The following ASZ1 variants were observed in gnomAD, a reference collection of about 807,000 sequenced individuals.
ASZ1 encodes ankyrin repeat, SAM and basic leucine zipper domain containing 1, also known as ankyrin repeat, SAM and basic leucine zipper domain-containing protein 1.
Under a neutral mutation model 61.8 loss-of-function variants are expected in ASZ1, and 67 were observed. That is an observed-to-expected ratio of 1.08 (90% CI 0.89 to 1.33). The LOEUF (loss-of-function observed/expected upper bound fraction) is 1.33. ASZ1 is among the 40% of genes most tolerant of loss of function. The pLI is 0.00. For missense variants in ASZ1, 577 were observed against 554.5 expected, an observed-to-expected ratio of 1.04 and a Z score of -0.41; for synonymous variants, 193 against 192.7, an observed-to-expected ratio of 1.00 and a Z score of -0.01.
intron 9 of ASZ1, 81 bp from the exon 10 acceptor site, chr7:117,380,128 T>C: frequency 1.1e-6 from 1 of 878,216 alleles, no homozygotes. Context: ...AGATGTTTTC[T>C]TGATGAATTC....
Position 117,377,197 on chromosome 7 carries a change from T to A in ASZ1, c.1055+2741A>T, listed in dbSNP as rs547684428. The stretch of plus-strand genomic sequence containing the variant: ...AGGTATAAATCTAATGAAATATGCA[T>A]GAGATCTGTATGATGAAAATGACAA... On this transcript the variant is annotated intron_variant, in intron 10 of 12. Coordinates refer to ENST00000284629, the MANE Select transcript of ASZ1 (RefSeq NM_130768.3). Among the ~76,000 whole-genome samples the A allele has an allele frequency of 2.0e-5, 3 of 152,072 alleles. No homozygotes were observed. In the East Asian group the frequency reaches 5.8e-4, roughly 29 times the overall value.
intron 4 of ASZ1, among the ~76,000 whole-genome samples, chr7:117,408,753 A>G (rs959043773): frequency 2.0e-5 from 3 of 152,164 alleles, no homozygotes; most frequent in Non-Finnish European, 4.4e-5. Context: ...TCAGACATTA[A>G]GAAGTACAAT....
chr7:117,374,268 A>G (rs915453086), intron 10 of ASZ1, among the ~76,000 whole-genome samples: 2 of 152,266 alleles, frequency 1.3e-5, no homozygotes, highest in East Asian at 3.9e-4. Context: ...CATAATTACA[A>G]TATTAGTTTT....
At chr7:117,427,326 G>T (rs749368643) in intron 1 of ASZ1, 30 bp downstream of exon 1, 2 of 1,609,714 alleles carry the variant, frequency 1.2e-6, no homozygotes, top group Non-Finnish European at 1.7e-6. Context: ...CTGAAACCAG[G>T]TGTGGTCAAG....
intron 4 of ASZ1, among the ~76,000 whole-genome samples, chr7:117,406,080 G>T (rs1298885319): frequency 1.3e-5 from 2 of 152,094 alleles, no homozygotes; most frequent in African/African-American, 4.8e-5. Flanking sequence ...AGACCATAGG[G>T]TCATTATCAG....
chr7:117,394,492 G>A (rs910917307), intron 4 of ASZ1, among the ~76,000 whole-genome samples: 6 of 152,004 alleles, frequency 3.9e-5, no homozygotes, highest in African/African-American at 1.4e-4. Flanking sequence ...ATTGTGATGT[G>A]TCTACATATT....
At chr7:117,415,343 T>TGA (rs1796970180) in intron 4 of ASZ1, among the ~76,000 whole-genome samples, 1 of 152,232 alleles carries the variant, frequency 6.6e-6, no homozygotes, top group African/African-American at 2.4e-5. Flanking sequence ...ATGAATCATC[T>TGA]TTTGTCCGGC....
Position 117,363,633 on chromosome 7 carries a change from A to G in ASZ1, c.1391T>C (p.Leu464Pro). 1 of 1,602,846 alleles carries G rather than the reference A, an allele frequency of 6.2e-7. No homozygotes were observed. The highest frequency in any genetic ancestry group is 8.5e-7 in the Non-Finnish European group (1 of 1,175,780). ...GAAAGTTAGCTTGCAAATGAAAAGA[A>G]GAAAACCGAATCCGCATATGGTAAT... ...TAITICGFGFLLFICKLTFQR... is the reference protein window; with the variant it reads ...TAITICGFGFPLFICKLTFQR... Residue 464 changes from leucine to proline, a missense_variant, in exon 13 of 13, where the codon CTT becomes CCT. Transcript: ENST00000284629.
chr7:117,400,452 CT>C (rs1246036292), intron 4 of ASZ1, among the ~76,000 whole-genome samples: 1 of 152,112 alleles, frequency 6.6e-6, no homozygotes, highest in Non-Finnish European at 1.5e-5. Context: ...CCACTTTTTG[CT>C]TTTAGACATT....
chr7:117,392,843 T>C lies in ASZ1; in HGVS notation c.441-7034A>G, dbSNP rs1388807373. On this transcript the variant is annotated intron_variant, in intron 4 of 12. Coordinates refer to ENST00000284629, the MANE Select transcript of ASZ1 (RefSeq NM_130768.3). ...CAGAAATTACCAGAAATTATTAAGA[T>C]ATATCTTTTTTTTTTTTTTTTGAGA... Among the ~76,000 whole-genome samples the C allele has an allele frequency of 4.7e-5, 7 of 149,014 alleles. No homozygotes were observed. The East Asian group carries it at 1.4e-3, about 29-fold the overall frequency.
intron 4 of ASZ1, among the ~76,000 whole-genome samples, chr7:117,402,477 T>G (rs1450498714): frequency 6.6e-6 from 1 of 152,188 alleles, no homozygotes; most frequent in Non-Finnish European, 1.5e-5. Flanking sequence ...CTTCCATAGT[T>G]GGGACTAGAA....
rs745682868 is a variant in ASZ1 at position 117,427,236 on chromosome 7, C to G, written c.105+120G>C. 1.3e-4 allele frequency: 152 copies of G among 1,191,146 alleles called. 1 individual carries two copies. The highest frequency in any genetic ancestry group is 1.8e-4 in the Non-Finnish European group (147 of 823,146). The allele number at this position is 1,191,146 out of a possible 1,614,324, so 73.8% of individuals were successfully genotyped here. A position where few individuals can be genotyped will look rare whatever the true frequency, so the allele number is the denominator to read the frequency against. On this transcript the variant is annotated intron_variant, in intron 1 of 12. Coordinates refer to ENST00000284629, the MANE Select transcript of ASZ1 (RefSeq NM_130768.3). ...TGCTTAAGTACAAACTCCCGTATTT[C>G]CACTGGGTAAAAGGGAAATACACGT...
intron 3 of ASZ1, 122 bp from the exon 4 acceptor site, chr7:117,420,396 T>G: frequency 5.2e-6 from 3 of 581,260 alleles, no homozygotes; most frequent in Non-Finnish European, 5.7e-6. Flanking sequence ...CCCAAATCTC[T>G]CACTCTTAGC....
intron 4 of ASZ1, among the ~76,000 whole-genome samples, chr7:117,407,270 A>G (rs1263704514): frequency 6.6e-6 from 1 of 152,210 alleles, no homozygotes; most frequent in East Asian, 1.9e-4. Flanking sequence ...GTATATTATA[A>G]TGAAGTAAGA....
At chr7:117,408,430 A>G (rs1194176133) in intron 4 of ASZ1, among the ~76,000 whole-genome samples, 6 of 152,300 alleles carry the variant, frequency 3.9e-5, no homozygotes, top group Non-Finnish European at 8.8e-5. Flanking sequence ...GACCAAATAT[A>G]TATTTATTAT....
At chr7:117,391,176 G>A (rs1195875571) in intron 4 of ASZ1, among the ~76,000 whole-genome samples, 4 of 151,352 alleles carry the variant, frequency 2.6e-5, no homozygotes, top group African/African-American at 9.7e-5. Flanking sequence ...TTTTTAATGA[G>A]GTTATTTTTC....
At chr7:117,399,803 G>A (rs1026783972) in intron 4 of ASZ1, among the ~76,000 whole-genome samples, 16 of 151,948 alleles carry the variant, frequency 1.1e-4, no homozygotes, top group Non-Finnish European at 1.0e-4. Context: ...TCAGAATGCC[G>A]TAAATATACT....
intron 4 of ASZ1, among the ~76,000 whole-genome samples, chr7:117,403,184 A>G (rs1280901073): frequency 4.6e-5 from 7 of 152,162 alleles, no homozygotes; most frequent in African/African-American, 1.7e-4. Context: ...GGTTAAATTA[A>G]TAAGAAAACG....
chr7:117,390,406 C>T (rs575032431), intron 4 of ASZ1, among the ~76,000 whole-genome samples: 6 of 152,120 alleles, frequency 3.9e-5, no homozygotes, highest in South Asian at 2.1e-4. Flanking sequence ...TGGCCTCTAG[C>T]GAGCCTCCCA....
Sources: allele counts gnomAD v4.1 joint callset (sites outside exome capture counted in the v4.1 genomes callset), GRCh38; gene constraint gnomAD v4.1.1; transcripts MANE v1.5; gene names NCBI Gene and HGNC (gene_info 2026-07-23, HGNC 2026-07-21).